Variants in STARD13 observed in about 807,000 individuals in gnomAD.
STARD13 encodes the protein stAR-related lipid transfer protein 13.
A neutral mutation model predicts 106.4 loss-of-function variants in STARD13; 62 were observed. The ratio of observed to expected loss-of-function variants is 0.58; its 90% CI spans 0.48 to 0.72. The LOEUF is 0.72. STARD13 is among the 30% of genes least tolerant of loss of function. STARD13 has a pLI of 0.00. For missense variants in STARD13, 1,387 were observed against 1,424.0 expected, an observed-to-expected ratio of 0.97 and a Z score of 0.42; for synonymous variants, 565 against 553.0, an observed-to-expected ratio of 1.02 and a Z score of -0.31.
At chr13:33,662,679 G>A in the STARD13 span, among the ~76,000 whole-genome samples, 1 of 152,170 alleles carries the variant, frequency 6.6e-6, no homozygotes, top group East Asian at 1.9e-4. Flanking sequence ...ACAAATCTGT[G>A]GGAGCAGGGA....
the STARD13 span, among the ~76,000 whole-genome samples, chr13:33,504,372 T>C: frequency 1.3e-5 from 2 of 152,018 alleles, no homozygotes; most frequent in African/African-American, 4.8e-5. Flanking sequence ...TCATCAATGA[T>C]AGACTGGATT....
intron 1 of STARD13, among the ~76,000 whole-genome samples, chr13:33,269,963 C>G (rs1333350984): frequency 6.6e-6 from 1 of 152,198 alleles, no homozygotes; most frequent in African/African-American, 2.4e-5. Flanking sequence ...AGGCTGGACA[C>G]AGTGGTTCAC....
At chr13:33,547,985 T>G in the STARD13 span, among the ~76,000 whole-genome samples, 1 of 152,200 alleles carries the variant, frequency 6.6e-6, no homozygotes, top group Non-Finnish European at 1.5e-5. Flanking sequence ...ATGCCATTAG[T>G]TGATTTATTT....
intron 1 of STARD13, among the ~76,000 whole-genome samples, chr13:33,237,041 T>A (rs1889224760): frequency 6.7e-6 from 1 of 150,342 alleles, no homozygotes; most frequent in Non-Finnish European, 1.5e-5. Flanking sequence ...TTCCTCTTCT[T>A]CTATATGTAC....
At chr13:33,144,057 A>G (rs952122372) in intron 3 of STARD13, among the ~76,000 whole-genome samples, 2 of 152,106 alleles carry the variant, frequency 1.3e-5, no homozygotes, top group African/African-American at 4.8e-5. Flanking sequence ...TTTAACTATT[A>G]ATTTTTTTGT....
chr13:33,137,686 G>A (rs1879232638), intron 4 of STARD13, among the ~76,000 whole-genome samples: 1 of 152,210 alleles, frequency 6.6e-6, no homozygotes, highest in African/African-American at 2.4e-5. Flanking sequence ...GGAGAGGGAT[G>A]CACTAAGAAG....
chr13:33,470,194 C>T, the STARD13 span, among the ~76,000 whole-genome samples: 1 of 152,106 alleles, frequency 6.6e-6, no homozygotes, highest in East Asian at 1.9e-4. Flanking sequence ...TGATGATTTC[C>T]AGCTACATCC....
At chr13:33,171,038 G>C (rs1012403774) in intron 1 of STARD13, among the ~76,000 whole-genome samples, 5 of 152,114 alleles carry the variant, frequency 3.3e-5, no homozygotes, top group African/African-American at 1.2e-4. Flanking sequence ...AATCATTATT[G>C]CCAGTGCCAT....
the STARD13 span, among the ~76,000 whole-genome samples, chr13:33,420,606 A>G: frequency 5.3e-5 from 8 of 152,210 alleles, no homozygotes; most frequent in East Asian, 1.5e-3. Flanking sequence ...AAATGGACCT[A>G]ATAGACATCT....
At chr13:33,249,408 G>A (rs1438718879) in intron 1 of STARD13, among the ~76,000 whole-genome samples, 1 of 152,180 alleles carries the variant, frequency 6.6e-6, no homozygotes, top group Non-Finnish European at 1.5e-5. Context: ...CTATGTCTAC[G>A]ATTTCTTAAG....
At chr13:33,358,668 G>A in the STARD13 span, among the ~76,000 whole-genome samples, 1 of 152,104 alleles carries the variant, frequency 6.6e-6, no homozygotes, top group Non-Finnish European at 1.5e-5. Context: ...CTCAAGGTTT[G>A]TAAATACACC....
At chr13:33,549,418 T>C in the STARD13 span, among the ~76,000 whole-genome samples, 2 of 152,218 alleles carry the variant, frequency 1.3e-5, no homozygotes, top group Non-Finnish European at 2.9e-5. Flanking sequence ...TACACATTCT[T>C]GTCCCCTGAC....
intron 1 of STARD13, among the ~76,000 whole-genome samples, chr13:33,232,936 C>T (rs1194573846): frequency 6.6e-6 from 1 of 152,244 alleles, no homozygotes; most frequent in Non-Finnish European, 1.5e-5. Context: ...ATCTCCCATT[C>T]TCCTTGGCTG....
intron 1 of STARD13, among the ~76,000 whole-genome samples, chr13:33,177,346 A>G (rs1884622710): frequency 6.6e-6 from 1 of 152,236 alleles, no homozygotes; most frequent in Admixed American, 6.5e-5. Context: ...ACACACACAC[A>G]GTCAAATCAA....
At chr13:33,651,191 GATCTGTTCTTCTTA>G in the STARD13 span, among the ~76,000 whole-genome samples, 1 of 152,098 alleles carries the variant, frequency 6.6e-6, no homozygotes, top group Admixed American at 6.5e-5. Flanking sequence ...TTAGATCTGA[GATCTGTTCTTCTTA>G]ATAAAAAATC....
chr13:33,619,409 G>A, the STARD13 span, among the ~76,000 whole-genome samples: 1 of 152,296 alleles, frequency 6.6e-6, no homozygotes, highest in South Asian at 2.1e-4. Flanking sequence ...GGAAAACTGA[G>A]ATAAGGAAAC....
At chr13:33,609,354 T>C in the STARD13 span, among the ~76,000 whole-genome samples, 2 of 152,062 alleles carry the variant, frequency 1.3e-5, no homozygotes, top group African/African-American at 4.8e-5. Context: ...CTTCACTAGT[T>C]CTCACGGAAT....
At chr13:33,660,909 C>A in the STARD13 span, among the ~76,000 whole-genome samples, 2 of 152,126 alleles carry the variant, frequency 1.3e-5, no homozygotes, top group Admixed American at 1.3e-4. Flanking sequence ...CTAATGGTTT[C>A]ACTTTCTTGG....
At chr13:33,443,626 C>G in the STARD13 span, among the ~76,000 whole-genome samples, 1 of 152,114 alleles carries the variant, frequency 6.6e-6, no homozygotes, top group African/African-American at 2.4e-5. Flanking sequence ...TGGCTCACGC[C>G]TGTAATCCCA....
Sources: gnomAD v4.1 joint callset for allele counts (sites outside exome capture counted in the v4.1 genomes callset) on GRCh38, gnomAD v4.1.1 for gene constraint, MANE v1.5 for transcripts, NCBI Gene and HGNC (gene_info 2026-07-23, HGNC 2026-07-21) for gene names.